Variants in TENM3 observed in about 807,000 individuals in gnomAD.
The protein encoded by TENM3 is teneurin transmembrane protein 3, also known as teneurin-3.
TENM3 carries 63 observed loss-of-function variants against 255.1 expected under a neutral mutation model. That is an observed-to-expected ratio of 0.25 (90% CI 0.20 to 0.30). The LOEUF is 0.30. Ranked by LOEUF, TENM3 falls within the 10% of genes least tolerant of loss-of-function variation. TENM3 has a pLI of 1.00. For missense variants in TENM3, 2,929 were observed against 3,461.1 expected, an observed-to-expected ratio of 0.85 and a Z score of 3.86; for synonymous variants, 1,306 against 1,322.3, an observed-to-expected ratio of 0.99 and a Z score of 0.27.
At chr4:181,760,623 A>C in the TENM3 span, among the ~76,000 whole-genome samples, 14 of 152,174 alleles carry the variant, frequency 9.2e-5, no homozygotes, top group Non-Finnish European at 1.8e-4. Context: ...TAGAGCTTCA[A>C]GGGAGAAGGT....
At chr4:182,272,424 A>G (rs1015030674) in intron 1 of TENM3, among the ~76,000 whole-genome samples, 2 of 152,218 alleles carry the variant, frequency 1.3e-5, no homozygotes, top group South Asian at 4.1e-4. Flanking sequence ...CCAGATAAAG[A>G]AACAAATGAA....
chr4:181,697,568 A>G, the TENM3 span, among the ~76,000 whole-genome samples: 2 of 151,862 alleles, frequency 1.3e-5, no homozygotes, highest in Admixed American at 1.3e-4. Flanking sequence ...TAATTTTTGT[A>G]TTTTTAGTAG....
the TENM3 span, among the ~76,000 whole-genome samples, chr4:181,747,425 G>A: frequency 8.0e-4 from 122 of 152,052 alleles, no homozygotes; most frequent in African/African-American, 2.8e-3. Flanking sequence ...TCCCAAGTAC[G>A]CTTTGTCCTG....
intron 3 of TENM3, among the ~76,000 whole-genome samples, chr4:182,462,291 T>C (rs1250408724): frequency 6.6e-6 from 1 of 151,982 alleles, no homozygotes; most frequent in Non-Finnish European, 1.5e-5. Context: ...ACTCCTGGGC[T>C]CAAACAATCC....
the TENM3 span, among the ~76,000 whole-genome samples, chr4:181,468,398 G>A: frequency 6.6e-6 from 1 of 152,078 alleles, no homozygotes; most frequent in African/African-American, 2.4e-5. Context: ...TCCAGTTATT[G>A]CAAATGTGCT....
At chr4:181,579,356 G>A in the TENM3 span, among the ~76,000 whole-genome samples, 9 of 152,180 alleles carry the variant, frequency 5.9e-5, no homozygotes, top group African/African-American at 2.2e-4. Flanking sequence ...TGCCACCAGA[G>A]CGATCTTTTA....
chr4:182,615,076 T>C (rs2152438009), intron 4 of TENM3, among the ~76,000 whole-genome samples: 1 of 147,666 alleles, frequency 6.8e-6, no homozygotes, highest in East Asian at 2.0e-4. Context: ...TGTATTTTTT[T>C]TTTCTTCTCC....
At chr4:182,064,280 C>T in the TENM3 span, among the ~76,000 whole-genome samples, 12 of 151,976 alleles carry the variant, frequency 7.9e-5, no homozygotes, top group African/African-American at 2.4e-4. Flanking sequence ...CCCCTGAAAG[C>T]TAAACTAAGA....
intron 3 of TENM3, among the ~76,000 whole-genome samples, chr4:182,572,978 G>A (rs1744555010): frequency 6.6e-6 from 1 of 152,154 alleles, no homozygotes; most frequent in Non-Finnish European, 1.5e-5. Context: ...TGGCTTTGCT[G>A]CTTTAGCTTA....
intron 12 of TENM3, among the ~76,000 whole-genome samples, chr4:182,700,305 A>G (rs1757751643): frequency 6.6e-6 from 1 of 152,202 alleles, no homozygotes; most frequent in Non-Finnish European, 1.5e-5. Context: ...ATCCCTTCCC[A>G]CATGGTATGT....
At chr4:181,677,557 G>A in the TENM3 span, among the ~76,000 whole-genome samples, 3 of 152,000 alleles carry the variant, frequency 2.0e-5, no homozygotes, top group Admixed American at 2.0e-4. Context: ...TTTTAGCTGT[G>A]GGACAACATA....
chr4:181,902,129 A>T, the TENM3 span, among the ~76,000 whole-genome samples: 176 of 151,808 alleles, frequency 1.2e-3, no homozygotes, highest in Non-Finnish European at 2.3e-3. Context: ...ACACACACAC[A>T]CACACACACA....
the TENM3 span, among the ~76,000 whole-genome samples, chr4:181,609,488 C>A: frequency 1.3e-5 from 2 of 152,072 alleles, no homozygotes; most frequent in East Asian, 1.9e-4. Flanking sequence ...GTTGTCTGAC[C>A]TTTTTCTAGG....
chr4:181,931,214 A>T, the TENM3 span, among the ~76,000 whole-genome samples: 12 of 152,170 alleles, frequency 7.9e-5, no homozygotes, highest in Non-Finnish European at 1.6e-4. Flanking sequence ...AGGAAGAGAG[A>T]AAGTCAAATT....
At chr4:181,910,098 C>A in the TENM3 span, among the ~76,000 whole-genome samples, 1 of 152,144 alleles carries the variant, frequency 6.6e-6, no homozygotes, top group African/African-American at 2.4e-5. Flanking sequence ...AGTAATGACA[C>A]CTTCTTGTCC....
chr4:181,994,397 A>G, the TENM3 span, among the ~76,000 whole-genome samples: 1 of 152,182 alleles, frequency 6.6e-6, no homozygotes, highest in South Asian at 2.1e-4. Flanking sequence ...TCTGTTATAC[A>G]TATTTTATTC....
At chr4:182,264,139 T>G (rs989103917) in intron 1 of TENM3, among the ~76,000 whole-genome samples, 1 of 152,234 alleles carries the variant, frequency 6.6e-6, no homozygotes, top group Non-Finnish European at 1.5e-5. Context: ...TGTTTATCTC[T>G]TCTGTAAAGT....
At chr4:182,085,886 T>C in the TENM3 span, among the ~76,000 whole-genome samples, 3 of 152,238 alleles carry the variant, frequency 2.0e-5, no homozygotes, top group Non-Finnish European at 2.9e-5. Flanking sequence ...TGCTTTCTTT[T>C]GTCCTCTAAA....
chr4:182,207,563 A>G (rs1249285952), intron 1 of TENM3, among the ~76,000 whole-genome samples: 1 of 152,176 alleles, frequency 6.6e-6, no homozygotes, highest in Admixed American at 6.5e-5. Flanking sequence ...TGGGGAGTGC[A>G]TATTACAAAT....
Sources: gnomAD v4.1 joint callset for allele counts (sites outside exome capture counted in the v4.1 genomes callset) on GRCh38, gnomAD v4.1.1 for gene constraint, MANE v1.5 for transcripts, NCBI Gene and HGNC (gene_info 2026-07-23, HGNC 2026-07-21) for gene names.